The following CAD variants were observed in gnomAD, a reference collection of about 807,000 sequenced individuals.
CAD encodes multifunctional protein CAD.
Under a neutral mutation model 237.2 loss-of-function variants are expected in CAD, and 81 were observed. The observed-to-expected ratio is 0.34, with a 90% CI of 0.29 to 0.41. CAD has a LOEUF of 0.41. CAD is among the 10% of genes least tolerant of loss of function. CAD has a pLI of 1.00. For missense variants in CAD, 2,181 were observed against 2,951.7 expected, an observed-to-expected ratio of 0.74 and a Z score of 6.05; for synonymous variants, 1,196 against 1,162.8, an observed-to-expected ratio of 1.03 and a Z score of -0.58.
rs1478228739 is a variant in CAD at position 27,225,935 on chromosome 2, A to G, written c.1842+9A>G. 1 of 1,610,914 alleles carries G rather than the reference A, an allele frequency of 6.2e-7. No homozygotes were observed. The highest frequency in any genetic ancestry group is 8.5e-7 in the Non-Finnish European group (1 of 1,177,024). ...ATGGCAACTGTGTCACGGTGAGTGA[A>G]TGGGGGAAGGGTGGGCGTCGTGTCA... On this transcript the variant is annotated intron_variant, in intron 12 of 43. Transcript: ENST00000264705.
At position 27,240,291 on chromosome 2, in the gene CAD, C is replaced by T. The variant is rs1218168754; in HGVS notation, c.5523C>T (p.Ile1841=). ...CACCTGAAAGACCCCGCCGTGGCAT[C>T]CCAGGGCTTCCTGATGGCCGCTTCC... ...TTTPERPRRG[I]PGLPDGRFHL... Residue 1841 remains isoleucine, a synonymous_variant, in exon 35 of 44, where the codon ATC becomes ATT. Coordinates refer to ENST00000264705, the MANE Select transcript of CAD (RefSeq NM_004341.5). The surrounding 1 kb of genome is among the most constrained non-coding windows in gnomAD (Gnocchi z 4.6). 3 of 1,613,974 alleles carry T rather than the reference C, an allele frequency of 1.9e-6. No homozygotes were observed. The highest frequency in any genetic ancestry group is 1.7e-5 in the Admixed American group (1 of 59,994).
Position 27,240,145 on chromosome 2 carries a change from G to A in CAD, c.5497-120G>A. 1.2e-6 allele frequency: 1 copy of A among 800,104 alleles called. No individual in the cohort carries two copies. The highest frequency in any genetic ancestry group is 2.2e-5 in the Admixed American group (1 of 44,556). The allele number at this position is 800,104 out of a possible 1,614,324, so 49.6% of individuals were successfully genotyped here. ...AATCCCAGCTACTTGGGAGGCTGAGGCAGGAGAATTGCTTGAACCCAGAAG... is the reference window on the plus strand; with the variant it reads ...AATCCCAGCTACTTGGGAGGCTGAGACAGGAGAATTGCTTGAACCCAGAAG... On this transcript the variant is annotated intron_variant, in intron 34 of 43. Coordinates refer to ENST00000264705, the MANE Select transcript of CAD (RefSeq NM_004341.5). This position sits in a 1 kb window ranked among gnomAD's most constrained non-coding sequence, Gnocchi z 4.6.
chr2:27,238,608 A>G lies in CAD; in HGVS notation c.5038A>G (p.Ile1680Val). Residue 1680 changes from isoleucine to valine, a missense_variant, in exon 31 of 44, where the codon ATC becomes GTC. This residue lies in a region of CAD where 478 missense variants were observed against 515.0 expected (regional missense o/e 0.93). Transcript: ENST00000264705. ...VEALWENMAVIDCFASDHAPH... is the reference protein window; with the variant it reads ...VEALWENMAVVDCFASDHAPH... ...AGCCCTGTGGGAGAACATGGCTGTC[A>G]TCGACTGCTTTGCCTCAGACCATGG... 1 of 1,612,968 alleles carries G rather than the reference A, an allele frequency of 6.2e-7. No homozygotes were observed. The highest frequency in any genetic ancestry group is 1.7e-5 in the Admixed American group (1 of 59,858).
Position 27,232,422 on chromosome 2 carries a change from T to C in CAD, c.2646-26T>C. ...GTCTGTACCCTACTCTCTGGGCCTGTGTTTCAGACCCTTTTTCTATTTTAG... is the reference window on the plus strand; with the variant it reads ...GTCTGTACCCTACTCTCTGGGCCTGCGTTTCAGACCCTTTTTCTATTTTAG... On this transcript the variant is annotated intron_variant, in intron 17 of 43. Transcript: ENST00000264705. The surrounding 1 kb of genome is among the most constrained non-coding windows in gnomAD (Gnocchi z 4.1). 1 of 1,613,728 alleles carries C rather than the reference T, an allele frequency of 6.2e-7. No individual in the cohort carries two copies. The highest frequency in any genetic ancestry group is 1.3e-5 in the African/African-American group (1 of 75,050).
At chr2:27,220,035 T>A (rs191770623) in intron 2 of CAD, among the ~76,000 whole-genome samples, 13 of 152,332 alleles carry the variant, frequency 8.5e-5, no homozygotes, top group South Asian at 4.1e-4. Context: ...AATATTTATA[T>A]GGGTGTTACC....
rs1178385674 is a variant in CAD at position 27,236,548 on chromosome 2, G to A, written c.4314+25G>A. 1 of 1,606,864 alleles carries A rather than the reference G, an allele frequency of 6.2e-7. No homozygotes were observed. Among genetic ancestry groups the A allele is most frequent in the Non-Finnish European group, 8.5e-7 (1 of 1,178,606 alleles). On this transcript the variant is annotated intron_variant, in intron 26 of 43. Transcript: ENST00000264705. The surrounding 1 kb of genome is among the most constrained non-coding windows in gnomAD (Gnocchi z 4.1). ...GGTAACTGAGACCCATGTGCTGGGA[G>A]GGAGACTGCCAGTGTTGATGGGAAG... is the stretch of plus-strand genomic sequence containing the variant.
chr2:27,229,906 C>G (rs113906907), intron 15 of CAD, among the ~76,000 whole-genome samples: 13 of 150,076 alleles, frequency 8.7e-5, no homozygotes, highest in Admixed American at 2.7e-4. Context: ...GCTAAATGTC[C>G]TTCAGTTAGT....
chr2:27,225,069 G>A lies in CAD; in HGVS notation c.1446G>A (p.Leu482=), dbSNP rs1675366847. 1 of 1,614,038 alleles carries A rather than the reference G, an allele frequency of 6.2e-7. No homozygotes were observed. Among genetic ancestry groups the A allele is most frequent in the African/African-American group, 1.3e-5 (1 of 74,920 alleles). ...TGACTTTTGGGGGCCAGACTGCTCT[G>A]AACTGTGGTGTGGAGCTGACCAAGG... ...VLLTFGGQTA[L]NCGVELTKAG... is the part of the protein sequence containing the mutation. The change falls in exon 11 of 44, where the codon CTG becomes CTA. Residue 482 remains leucine (L), a synonymous_variant. Coordinates refer to ENST00000264705, the MANE Select transcript of CAD (RefSeq NM_004341.5).
rs1268275309 is a variant in CAD, at chr2:27,239,485, C to A, written c.5394+14C>A. On this transcript the variant is annotated intron_variant, in intron 33 of 43. Coordinates refer to ENST00000264705, the MANE Select transcript of CAD (RefSeq NM_004341.5). The surrounding 1 kb of genome is among the most constrained non-coding windows in gnomAD (Gnocchi z 4.0). ...ATCGATGGGCAGGTACGCAAGTAGC[C>A]CCTGCCTGATCTCAGTAGTGCCCTC... The A allele has an allele frequency of 1.2e-6, 2 of 1,611,726 alleles. No homozygotes were observed. Among genetic ancestry groups the A allele is most frequent in the African/African-American group, 1.3e-5 (1 of 74,834 alleles).
intron 15 of CAD, 86 bp from the exon 16 acceptor site, chr2:27,231,382 A>T: frequency 1.3e-6 from 1 of 761,422 alleles, no homozygotes. Context: ...CAGAGTCTTG[A>T]CTATAAACCA....
Position 27,237,394 on chromosome 2 carries a change from A to G in CAD, c.4412A>G (p.His1471Arg), listed in dbSNP as rs184916078. 2 of 1,614,004 alleles carry G rather than the reference A, an allele frequency of 1.2e-6. No individual in the cohort carries two copies. Among genetic ancestry groups the G allele is most frequent in the Admixed American group, 1.7e-5 (1 of 60,006 alleles). Reference sequence around the variant, plus strand: ...TTTCTCCCAGGATTGATTGATGTCCATGTGCACCTGCGGGAACCAGGTGGG... The same window carrying G: ...TTTCTCCCAGGATTGATTGATGTCCGTGTGCACCTGCGGGAACCAGGTGGG... ...LVRLPGLIDV[H>R]VHLREPGGTH... Residue 1471 changes from histidine to arginine, a missense_variant, in exon 28 of 44, where the codon CAT becomes CGT. By Grantham distance (29) the His-to-Arg change is conservative. Transcript: ENST00000264705. The surrounding 1 kb of genome is among the most constrained non-coding windows in gnomAD (Gnocchi z 4.0).
rs770696174 is a variant in CAD at position 27,236,717 on chromosome 2, T to A, written c.4315-32T>A. The A allele has an allele frequency of 1.9e-6, 3 of 1,607,014 alleles. No homozygotes were observed. Among genetic ancestry groups the A allele is most frequent in the Non-Finnish European group, 2.6e-6 (3 of 1,173,540 alleles). ...CTCCCTACAACTCCCAGGATCACCC[T>A]TCCCTTAAAGCTGACTGCTTTCCAC... On this transcript the variant is annotated intron_variant, in intron 26 of 43. Coordinates refer to ENST00000264705, the MANE Select transcript of CAD (RefSeq NM_004341.5). The surrounding 1 kb of genome is among the most constrained non-coding windows in gnomAD (Gnocchi z 4.1).
chr2:27,222,154 T>C, intron 3 of CAD, 40 bp from the exon 4 acceptor site: 3 of 1,588,464 alleles, frequency 1.9e-6, no homozygotes, highest in African/African-American at 1.3e-5. Context: ...GATGACTGAG[T>C]TGTAGGAATG....
chr2:27,231,929 C>CT (rs778756481), intron 16 of CAD, 51 bp from the exon 17 acceptor site: 1 of 1,610,064 alleles, frequency 6.2e-7, no homozygotes, highest in South Asian at 1.1e-5. Context: ...TACGCTCAGG[C>CT]TTTTAGATGG....
Position 27,233,959 on chromosome 2 carries a change from T to C in CAD, c.3400-49T>C. ...AAGGAAGAGACAATCCTAGAGTAAG[T>C]GAGAGAAGAAAGTGGCCCTATGTCC... On this transcript the variant is annotated intron_variant, in intron 21 of 43. Transcript: ENST00000264705. The surrounding 1 kb of genome is among the most constrained non-coding windows in gnomAD (Gnocchi z 6.3). The C allele has an allele frequency of 6.4e-7, 1 of 1,571,564 alleles. No individual in the cohort carries two copies.
intron 2 of CAD, among the ~76,000 whole-genome samples, chr2:27,218,748 GTTCAAGCA>G (rs1675002821): frequency 6.6e-6 from 1 of 152,128 alleles, no homozygotes; most frequent in African/African-American, 2.4e-5. Context: ...CCCTCTGACA[GTTCAAGCA>G]TTAAAAAAAA....
At chr2:27,227,692 T>C (rs1321668427) in intron 15 of CAD, among the ~76,000 whole-genome samples, 1 of 152,204 alleles carries the variant, frequency 6.6e-6, no homozygotes, top group Non-Finnish European at 1.5e-5. Context: ...GGATTGAAAA[T>C]AGGCCAATGA....
intron 16 of CAD, 94 bp from the exon 17 acceptor site, chr2:27,231,886 C>G: frequency 6.8e-7 from 1 of 1,472,318 alleles, no homozygotes; most frequent in East Asian, 2.3e-5. Flanking sequence ...CTCTGGTGTA[C>G]AGTTTCCCCT....
chr2:27,226,099 G>C, intron 12 of CAD, 32 bp from the exon 13 acceptor site: 1 of 1,603,122 alleles, frequency 6.2e-7, no homozygotes, highest in African/African-American at 1.3e-5. Flanking sequence ...GACTCTGCTT[G>C]GCAGTGACCT....
Sources: gnomAD v4.1 joint callset for allele counts (sites outside exome capture counted in the v4.1 genomes callset) on GRCh38, gnomAD v4.1.1 for gene constraint, gnomAD v4.1.1 regional missense constraint, Gnocchi (gnomAD v3.1) non-coding constraint, MANE v1.5 for transcripts, NCBI Gene and HGNC (gene_info 2026-07-23, HGNC 2026-07-21) for gene names.